The following PXDNL variants were observed in gnomAD, a reference collection of about 807,000 sequenced individuals.
PXDNL encodes probable oxidoreductase PXDNL.
Under a neutral mutation model 150.8 loss-of-function variants are expected in PXDNL, and 145 were observed. The ratio of observed to expected loss-of-function variants is 0.96; its 90% CI spans 0.84 to 1.10. The LOEUF (loss-of-function observed/expected upper bound fraction) is 1.10, where lower values mean the gene tolerates loss of function less well. PXDNL is among the 50% of genes least tolerant of loss of function. The probability of loss-of-function intolerance (pLI) is 0.00; values close to 1 mark genes in which losing one functional copy is unlikely to be tolerated. For synonymous variants in PXDNL, 757 were observed against 725.7 expected (o/e 1.04, Z -0.69); for missense variants, 2,087 against 1,873.9 (o/e 1.11, Z -2.10).
At chr8:51,377,631 G>A (rs769177596) in intron 17 of PXDNL, among the ~76,000 whole-genome samples, 24 of 152,338 alleles carry the variant, frequency 1.6e-4, no homozygotes, top group East Asian at 5.8e-4. Flanking sequence ...GGCACCACCC[G>A]TCCCAGGCAG....
chr8:51,465,811 G>GA lies in PXDNL; in HGVS notation c.812+6375dup, dbSNP rs796415431. 6.6e-5 allele frequency among the ~76,000 whole-genome samples: 10 copies of GA among 152,018 alleles called. 1 individual carries two copies. Among genetic ancestry groups the GA allele is most frequent in the African/African-American group, 2.4e-4 (10 of 41,514 alleles). ...ATCTCACTTACAATAGCCACAAAAAGAAAAAATATCTAGAACTACATCTAA... is the reference window on the plus strand; with the variant it reads ...ATCTCACTTACAATAGCCACAAAAAGAAAAAAATATCTAGAACTACATCTAA... On this transcript the variant is annotated intron_variant, in intron 8 of 22. Coordinates refer to ENST00000356297, the MANE Select transcript of PXDNL (RefSeq NM_144651.5).
At chr8:51,437,472 T>C (rs1201926164) in intron 12 of PXDNL, among the ~76,000 whole-genome samples, 2 of 152,116 alleles carry the variant, frequency 1.3e-5, no homozygotes, top group African/African-American at 4.8e-5. Flanking sequence ...CAACAGCATA[T>C]CAAAATGATA....
At chr8:51,609,133 G>A (rs1200882959) in intron 2 of PXDNL, among the ~76,000 whole-genome samples, 2 of 152,244 alleles carry the variant, frequency 1.3e-5, no homozygotes, top group Non-Finnish European at 2.9e-5. Context: ...TGCACTGCAA[G>A]GAGCAGTATT....
rs762513707 is a variant in PXDNL, at chr8:51,409,194, T to C, written c.2430A>G (p.Leu810=). 2 of 1,590,594 alleles carry C rather than the reference T, an allele frequency of 1.3e-6. No homozygotes were observed. The highest frequency in any genetic ancestry group is 2.7e-5 in the African/African-American group (2 of 74,402). ...GCACTGTGTGGTCCAAGTCGTGCTC[T>C]AGAAACCAGCCCCAGTGCATGAGCA... ...TRMLMHWGWF[L]EHDLDHTVPA... Residue 810 remains leucine, a synonymous_variant, in exon 17 of 23, where the codon CTA becomes CTG. Coordinates refer to ENST00000356297, the MANE Select transcript of PXDNL (RefSeq NM_144651.5).
chr8:51,393,714 A>G (rs1182694972), intron 17 of PXDNL, among the ~76,000 whole-genome samples: 1 of 152,242 alleles, frequency 6.6e-6, no homozygotes, highest in Non-Finnish European at 1.5e-5. Flanking sequence ...GGTGGGCCCA[A>G]TGTAATCACA....
chr8:51,737,206 T>C (rs1435388010), intron 1 of PXDNL, among the ~76,000 whole-genome samples: 2 of 152,156 alleles, frequency 1.3e-5, no homozygotes, highest in East Asian at 3.9e-4. Context: ...GAAATGCAAA[T>C]AAAAGATAAA....
At chr8:51,587,181 T>C (rs146759043) in intron 3 of PXDNL, among the ~76,000 whole-genome samples, 38 of 152,316 alleles carry the variant, frequency 2.5e-4, no homozygotes, top group African/African-American at 9.1e-4. Context: ...AGTTTATCAT[T>C]AGATTAAGTC....
chr8:51,529,464 C>G (rs1428501300), intron 4 of PXDNL, among the ~76,000 whole-genome samples: 1 of 152,186 alleles, frequency 6.6e-6, no homozygotes, highest in Non-Finnish European at 1.5e-5. Flanking sequence ...CTCTGGGAAG[C>G]CTCCCCTAGG....
At chr8:51,435,680 G>T in intron 12 of PXDNL, 2 of 236,010 alleles carry the variant, frequency 8.5e-6, no homozygotes, top group South Asian at 6.0e-5. Flanking sequence ...AAAAGAGGCG[G>T]AGCAGCCAGC....
chr8:51,371,939 G>T lies in PXDNL; in HGVS notation c.3835C>A (p.Gln1279Lys). 2.5e-6 allele frequency: 4 copies of T among 1,613,982 alleles called. No individual in the cohort carries two copies. Among genetic ancestry groups the T allele is most frequent in the South Asian group, 2.2e-5 (2 of 91,072 alleles). Residue 1279 changes from glutamine (Q) to lysine (K), a missense_variant, in exon 19 of 23, where the codon CAG (glutamine) becomes AAG (lysine). Coordinates refer to ENST00000356297, the MANE Select transcript of PXDNL (RefSeq NM_144651.5). ...ATCTCGCTGCAGTTCAGGTAATCCT[G>T]TGGGTATTCTGCCTTTACAAAGACA... Reference protein sequence around the residue: ...ADVFVKAEYPQDYLNCSEIPK... With the variant: ...ADVFVKAEYPKDYLNCSEIPK...
chr8:51,694,697 T>C (rs148032884), intron 1 of PXDNL, among the ~76,000 whole-genome samples: 55 of 152,338 alleles, frequency 3.6e-4, no homozygotes, highest in African/African-American at 1.3e-3. Context: ...AACAAAGCAT[T>C]AACCTCTCTA....
At chr8:51,744,710 GAAAGA>G (rs1379899544) in intron 1 of PXDNL, among the ~76,000 whole-genome samples, 33 of 71,410 alleles carry the variant, frequency 4.6e-4, no homozygotes, top group South Asian at 1.1e-3. Context: ...AGGAAAGAAA[GAAAGA>G]AAAGAGAAAA....
At chr8:51,735,533 T>TGTG (rs1327884177) in intron 1 of PXDNL, among the ~76,000 whole-genome samples, 1 of 4,004 alleles carries the variant, frequency 2.5e-4, no homozygotes, top group Non-Finnish European at 5.9e-4. Context: ...ATTGTTTTTT[T>TGTG]TTTTTTTTTT....
intron 3 of PXDNL, among the ~76,000 whole-genome samples, chr8:51,580,026 AAAT>A (rs1403669932): frequency 6.6e-6 from 1 of 151,286 alleles, no homozygotes; most frequent in Non-Finnish European, 1.5e-5. Flanking sequence ...TTAAATAAAT[AAAT>A]AAATAAATAA....
intron 1 of PXDNL, among the ~76,000 whole-genome samples, chr8:51,692,964 T>G (rs973801525): frequency 6.6e-6 from 1 of 152,220 alleles, no homozygotes; most frequent in Non-Finnish European, 1.5e-5. Context: ...TAGGCTCACA[T>G]CAGAAGTCAC....
chr8:51,724,845 A>T (rs1816794891), intron 1 of PXDNL, among the ~76,000 whole-genome samples: 1 of 152,154 alleles, frequency 6.6e-6, no homozygotes. Flanking sequence ...CTCAGCAATC[A>T]CTAAAATTCA....
At chr8:51,554,409 T>G (rs1422708704) in intron 4 of PXDNL, among the ~76,000 whole-genome samples, 1 of 152,240 alleles carries the variant, frequency 6.6e-6, no homozygotes, top group Admixed American at 6.5e-5. Flanking sequence ...TTATCTATGC[T>G]AATCCCTTTA....
chr8:51,361,575 T>G (rs1178222881), intron 19 of PXDNL, among the ~76,000 whole-genome samples: 3 of 152,170 alleles, frequency 2.0e-5, no homozygotes, highest in African/African-American at 7.2e-5. Context: ...AGCAAACACT[T>G]ATAGAAGTGG....
At chr8:51,638,820 G>A (rs1370953877) in intron 2 of PXDNL, among the ~76,000 whole-genome samples, 3 of 152,080 alleles carry the variant, frequency 2.0e-5, no homozygotes, top group Non-Finnish European at 4.4e-5. Flanking sequence ...AGGATATCCA[G>A]GAATTGAACT....
Sources: allele counts gnomAD v4.1 joint callset (sites outside exome capture counted in the v4.1 genomes callset), GRCh38; gene constraint gnomAD v4.1.1; transcripts MANE v1.5; gene names NCBI Gene and HGNC (gene_info 2026-07-23, HGNC 2026-07-21).